Variants in GALNT10 observed in about 807,000 individuals in gnomAD.
The protein encoded by GALNT10 is polypeptide N-acetylgalactosaminyltransferase 10, also known as GalNAc transferase 10.
GALNT10 carries 41 observed loss-of-function variants against 75.0 expected under a neutral mutation model. That is an observed-to-expected ratio of 0.55 (90% CI 0.43 to 0.71). The LOEUF (loss-of-function observed/expected upper bound fraction) is 0.71, where lower values mean the gene tolerates loss of function less well. GALNT10 is among the 30% of genes least tolerant of loss of function. GALNT10 has a pLI of 0.00. For synonymous variants in GALNT10, 302 were observed against 313.0 expected, an observed-to-expected ratio of 0.96 and a Z score of 0.37; for missense variants, 727 against 818.5, an observed-to-expected ratio of 0.89 and a Z score of 1.36.
intron 4 of GALNT10, among the ~76,000 whole-genome samples, chr5:154,341,118 A>G (rs1755026459): frequency 6.6e-6 from 1 of 152,144 alleles, no homozygotes. Flanking sequence ...GTTAAGGCCA[A>G]AGTAACATCC....
intron 1 of GALNT10, among the ~76,000 whole-genome samples, chr5:154,233,136 A>G (rs893621703): frequency 3.9e-5 from 6 of 152,212 alleles, no homozygotes; most frequent in African/African-American, 1.4e-4. Context: ...CAAAATGATA[A>G]ATATGAAAAT....
At chr5:154,363,123 A>T (rs192247064) in intron 4 of GALNT10, among the ~76,000 whole-genome samples, 3 of 152,184 alleles carry the variant, frequency 2.0e-5, no homozygotes, top group African/African-American at 4.8e-5. Context: ...TAGAAAGATG[A>T]TTTTGGCATA....
chr5:154,310,447 TTTTTTGTTTGTTTG>T (rs1043828558), intron 3 of GALNT10, among the ~76,000 whole-genome samples: 7 of 83,532 alleles, frequency 8.4e-5, no homozygotes, highest in Non-Finnish European at 2.7e-5. Context: ...TTTTGTTTTT[TTTTTTGTTTGTTTG>T]TTTGTTTGTT....
intron 4 of GALNT10, among the ~76,000 whole-genome samples, chr5:154,341,806 C>T (rs1194050590): frequency 6.6e-6 from 1 of 152,122 alleles, no homozygotes; most frequent in Non-Finnish European, 1.5e-5. Flanking sequence ...AGACACAAAC[C>T]CCTGTGTCCT....
intron 4 of GALNT10, among the ~76,000 whole-genome samples, chr5:154,370,484 G>A (rs941251111): frequency 6.6e-6 from 1 of 152,190 alleles, no homozygotes; most frequent in Non-Finnish European, 1.5e-5. Flanking sequence ...TCTGAAGGAT[G>A]AGCAGGAGTT....
chr5:154,389,913 A>G (rs548916063), intron 7 of GALNT10, among the ~76,000 whole-genome samples: 1 of 152,238 alleles, frequency 6.6e-6, no homozygotes, highest in South Asian at 2.1e-4. Context: ...ATACAAAAAA[A>G]AGACACCATC....
chr5:154,312,451 A>G (rs1754536365), intron 3 of GALNT10, among the ~76,000 whole-genome samples: 1 of 152,192 alleles, frequency 6.6e-6, no homozygotes, highest in East Asian at 1.9e-4. Flanking sequence ...TTGCTTATAC[A>G]GTATATAGAG....
intron 1 of GALNT10, among the ~76,000 whole-genome samples, chr5:154,256,188 G>C (rs1233992867): frequency 6.6e-6 from 1 of 152,090 alleles, no homozygotes; most frequent in Non-Finnish European, 1.5e-5. Context: ...TGGAGAACAT[G>C]CCCACCATCC....
chr5:154,410,393 A>G (rs1209553766), intron 9 of GALNT10, among the ~76,000 whole-genome samples: 3 of 146,708 alleles, frequency 2.0e-5, no homozygotes, highest in Non-Finnish European at 4.5e-5. Flanking sequence ...AAAAAAAAAA[A>G]AAGAAAAAAT....
In GALNT10 at chr5:154,376,189, G is replaced by A; in HGVS notation, c.569-88G>A. 1.2e-6 allele frequency: 1 copy of A among 839,676 alleles called. No individual in the cohort carries two copies. The highest frequency in any genetic ancestry group is 1.5e-5 in the South Asian group (1 of 66,840). The allele number at this position is 839,676 out of a possible 1,614,324, so 52.0% of individuals were successfully genotyped here. A position where few individuals can be genotyped will look rare whatever the true frequency, so the allele number is the denominator to read the frequency against. On this transcript the variant is annotated intron_variant, in intron 4 of 11. Coordinates refer to ENST00000297107, the MANE Select transcript of GALNT10 (RefSeq NM_198321.4). The surrounding 1 kb of genome is among the most constrained non-coding windows in gnomAD (Gnocchi z 4.1). ...TGTACAGGAAAGCTGTGTCTAGACT[G>A]TGAAGTGCAGTTCACATGTAAGGGA...
intron 4 of GALNT10, among the ~76,000 whole-genome samples, chr5:154,353,257 G>A (rs1317886015): frequency 2.0e-5 from 3 of 152,108 alleles, no homozygotes; most frequent in African/African-American, 4.8e-5. Context: ...TAGTGAAGCC[G>A]CAATTATGAG....
Position 154,190,828 on chromosome 5 carries a change from G to T in GALNT10, c.-39G>T, listed in dbSNP as rs374074774. On this transcript the variant is annotated 5_prime_UTR_variant, in exon 1 of 12. Transcript: ENST00000297107. ...GGACGCGCGGAGCTGGGGGCGGCGC[G>T]GCGGGGCCGGCGGGGCGCGGCGGGG... The T allele has an allele frequency of 2.0e-5, 22 of 1,096,450 alleles. No individual in the cohort carries two copies. The highest frequency in any genetic ancestry group is 2.5e-5 in the Non-Finnish European group (22 of 897,160). 67.9% of individuals were successfully genotyped at this position (1,096,450 alleles called of 1,614,324 possible).
chr5:154,381,955 C>T (rs1471837192), intron 6 of GALNT10, among the ~76,000 whole-genome samples: 2 of 152,232 alleles, frequency 1.3e-5, no homozygotes, highest in Non-Finnish European at 2.9e-5. Context: ...TAACCTTAAT[C>T]ACATCTGCGA....
chr5:154,389,678 A>C (rs1003681921), intron 7 of GALNT10: 1 of 152,078 alleles, frequency 6.6e-6, no homozygotes, highest in Admixed American at 6.5e-5. Flanking sequence ...TTCTTCTATA[A>C]AGGCATTTAC....
chr5:154,391,366 A>G (rs1336205496), intron 7 of GALNT10, among the ~76,000 whole-genome samples: 3 of 152,250 alleles, frequency 2.0e-5, no homozygotes, highest in African/African-American at 7.2e-5. Flanking sequence ...CTGATTCCAG[A>G]CCGGATTCTC....
At chr5:154,392,016 C>T (rs568925077) in intron 7 of GALNT10, among the ~76,000 whole-genome samples, 37 of 152,244 alleles carry the variant, frequency 2.4e-4, no homozygotes, top group African/African-American at 7.7e-4. Context: ...GGGCTAGTTA[C>T]CCAAAGGAAA....
chr5:154,191,061 C>T (rs1461329600), intron 1 of GALNT10, 36 bp downstream of exon 1: 1 of 1,336,466 alleles, frequency 7.5e-7, no homozygotes, highest in Admixed American at 2.9e-5. Context: ...GGGAACACCC[C>T]CTTCCCGAAT....
chr5:154,195,913 GTTTTGTTTTTGT>G (rs1224341727), intron 1 of GALNT10, among the ~76,000 whole-genome samples: 1 of 151,908 alleles, frequency 6.6e-6, no homozygotes, highest in Non-Finnish European at 1.5e-5. Flanking sequence ...ATTTTATAGT[GTTTTGTTTTTGT>G]TTTTGTTTTT....
intron 1 of GALNT10, among the ~76,000 whole-genome samples, chr5:154,223,201 G>A (rs920736027): frequency 6.8e-5 from 10 of 146,586 alleles, no homozygotes; most frequent in African/African-American, 2.8e-4. Context: ...GGAGGGAGAG[G>A]CGTAAGGCAT....
Sources: gnomAD v4.1 joint callset for allele counts (sites outside exome capture counted in the v4.1 genomes callset) on GRCh38, gnomAD v4.1.1 for gene constraint, Gnocchi (gnomAD v3.1) non-coding constraint, MANE v1.5 for transcripts, NCBI Gene and HGNC (gene_info 2026-07-23, HGNC 2026-07-21) for gene names.